The following BTBD9 variants were observed in gnomAD, a reference collection of about 807,000 sequenced individuals.
BTBD9 encodes the protein BTB domain containing 9, also known as BTB/POZ domain-containing protein 9.
A neutral mutation model predicts 64.3 loss-of-function variants in BTBD9; 49 were observed. The observed-to-expected ratio is 0.76, with a 90% CI of 0.61 to 0.97. The LOEUF (loss-of-function observed/expected upper bound fraction) is 0.97, where lower values mean the gene tolerates loss of function less well. Ranked by LOEUF, BTBD9 falls within the 50% of genes least tolerant of loss-of-function variation. The pLI is 0.00. For synonymous variants in BTBD9, 260 were observed against 274.7 expected (o/e 0.95, Z 0.53); for missense variants, 598 against 762.1 (o/e 0.78, Z 2.53).
rs550578436 is a variant in BTBD9, at chr6:38,456,144, C to T, written c.1155-111051G>A. ...CTGGGATTACTGGCATGTGCCACCACGCCCTGCTAATTTTTGTATCTTTAG... is the reference window on the plus strand; with the variant it reads ...CTGGGATTACTGGCATGTGCCACCATGCCCTGCTAATTTTTGTATCTTTAG... On this transcript the variant is annotated intron_variant, in intron 6 of 10. Transcript: ENST00000481247. 2.3e-4 allele frequency among the ~76,000 whole-genome samples: 35 copies of T among 151,952 alleles called. 1 individual carries two copies. Among genetic ancestry groups the T allele is most frequent in the African/African-American group, 1.7e-4 (7 of 41,426 alleles).
At chr6:38,549,516 G>A (rs1171172264) in intron 6 of BTBD9, among the ~76,000 whole-genome samples, 1 of 152,024 alleles carries the variant, frequency 6.6e-6, no homozygotes, top group Non-Finnish European at 1.5e-5. Flanking sequence ...TAAGATTTCA[G>A]TAGGTCCTCA....
intron 6 of BTBD9, chr6:38,403,005 AG>A: frequency 2.8e-6 from 1 of 362,028 alleles, no homozygotes; most frequent in Non-Finnish European, 5.3e-6. Flanking sequence ...CCTGGGACAC[AG>A]AGGCTGCAGT....
At chr6:38,540,075 C>T (rs1774199042) in intron 6 of BTBD9, among the ~76,000 whole-genome samples, 2 of 152,150 alleles carry the variant, frequency 1.3e-5, no homozygotes, top group South Asian at 4.2e-4. Flanking sequence ...ATAAGCACTT[C>T]TATATGTACT....
At chr6:38,577,789 A>G (rs1348799340) in intron 5 of BTBD9, 70 bp from the exon 6 acceptor site, 6 of 1,359,952 alleles carry the variant, frequency 4.4e-6, no homozygotes, top group Non-Finnish European at 6.0e-6. Context: ...GTACTTTAAT[A>G]AAGTGTTAAA....
rs1422898708 is a variant in BTBD9 at position 38,520,576 on chromosome 6, C to G, written c.1154+57024G>C. ...TACTTACTAAGTTTTCTTCAATAAC[C>G]ATATATTACTTGTAGAATAACCAAA... On this transcript the variant is annotated intron_variant, in intron 6 of 10. Transcript: ENST00000481247. Among the ~76,000 whole-genome samples, 6 of 152,166 alleles carry G rather than the reference C, an allele frequency of 3.9e-5. No homozygotes were observed. In the East Asian group the frequency reaches 1.2e-3, roughly 29 times the overall value.
intron 10 of BTBD9, among the ~76,000 whole-genome samples, chr6:38,177,808 AGAT>A (rs1761344435): frequency 1.3e-5 from 2 of 152,246 alleles, no homozygotes; most frequent in Non-Finnish European, 2.9e-5. Flanking sequence ...ATTTGTTTTC[AGAT>A]AATAATGCAA....
chr6:38,187,415 A>G (rs987462163), intron 10 of BTBD9, among the ~76,000 whole-genome samples: 29 of 152,220 alleles, frequency 1.9e-4, no homozygotes, highest in African/African-American at 6.8e-4. Context: ...AGTGGGGACA[A>G]TCAGATGCAT....
intron 6 of BTBD9, among the ~76,000 whole-genome samples, chr6:38,529,693 T>G (rs919953266): frequency 2.6e-5 from 4 of 152,222 alleles, no homozygotes; most frequent in Admixed American, 2.6e-4. Flanking sequence ...TAATAACTTT[T>G]GTAATTTCTT....
intron 6 of BTBD9, among the ~76,000 whole-genome samples, chr6:38,455,100 T>C (rs1465178038): frequency 6.6e-6 from 1 of 152,200 alleles, no homozygotes; most frequent in Non-Finnish European, 1.5e-5. Context: ...AAGAGCACTG[T>C]CCATGATCTT....
intron 6 of BTBD9, among the ~76,000 whole-genome samples, chr6:38,425,992 G>A (rs1562168604): frequency 2.7e-5 from 4 of 150,400 alleles, no homozygotes; most frequent in Admixed American, 2.0e-4. Context: ...AGCTATAAAA[G>A]CAAGCCCAAC....
Position 38,413,155 on chromosome 6 carries a change from G to T in BTBD9, c.1155-68062C>A, listed in dbSNP as rs144199026. On this transcript the variant is annotated intron_variant, in intron 6 of 10. Coordinates refer to ENST00000481247, the MANE Select transcript of BTBD9 (RefSeq NM_001099272.2). Reference sequence around the variant, plus strand: ...TCTTTTTTCTTAACTATGCCCTTAGGGAGGACAATAACATCCCTCTTTTAA... The same window carrying T: ...TCTTTTTTCTTAACTATGCCCTTAGTGAGGACAATAACATCCCTCTTTTAA... Among the ~76,000 whole-genome samples the T allele has an allele frequency of 1.9e-3, 288 of 151,914 alleles. 2 individuals are homozygous for T. Among genetic ancestry groups the T allele is most frequent in the African/African-American group, 6.4e-3 (266 of 41,390 alleles).
At chr6:38,582,126 C>T (rs184918241) in intron 4 of BTBD9, among the ~76,000 whole-genome samples, 211 of 152,136 alleles carry the variant, frequency 1.4e-3, no homozygotes, top group African/African-American at 4.8e-3. Flanking sequence ...CAATATATTG[C>T]AGCTGAAAAA....
chr6:38,403,014 A>G, intron 6 of BTBD9: 1 of 332,280 alleles, frequency 3.0e-6, no homozygotes, highest in East Asian at 8.8e-5. Context: ...CAGAGGCTGC[A>G]GTGAGCTATC....
intron 6 of BTBD9, among the ~76,000 whole-genome samples, chr6:38,570,154 G>A (rs2127464901): frequency 6.6e-6 from 1 of 152,236 alleles, no homozygotes; most frequent in Non-Finnish European, 1.5e-5. Context: ...ATCATTATTA[G>A]TATAATGTGT....
intron 9 of BTBD9, among the ~76,000 whole-genome samples, chr6:38,198,865 G>A (rs1762358520): frequency 6.6e-6 from 1 of 152,196 alleles, no homozygotes; most frequent in Admixed American, 6.5e-5. Flanking sequence ...GAGGAAGAAT[G>A]AGGAGGTATG....
intron 8 of BTBD9, among the ~76,000 whole-genome samples, chr6:38,279,745 C>T (rs1742845058): frequency 6.6e-6 from 1 of 152,088 alleles, no homozygotes; most frequent in Non-Finnish European, 1.5e-5. Context: ...ATAATCACTA[C>T]CGGTGAAGTA....
intron 6 of BTBD9, among the ~76,000 whole-genome samples, chr6:38,409,117 G>A (rs1457015782): frequency 6.6e-6 from 1 of 152,150 alleles, no homozygotes; most frequent in Admixed American, 6.5e-5. Context: ...AGGCATGATG[G>A]CAGGTGCCTG....
intron 6 of BTBD9, among the ~76,000 whole-genome samples, chr6:38,406,868 G>A (rs926473765): frequency 3.3e-5 from 5 of 152,184 alleles, no homozygotes; most frequent in Admixed American, 6.5e-5. Context: ...CTCCTGAGTA[G>A]CTGGGACTAT....
intron 6 of BTBD9, among the ~76,000 whole-genome samples, chr6:38,541,257 A>G (rs1183899638): frequency 2.6e-5 from 4 of 152,228 alleles, no homozygotes; most frequent in African/African-American, 9.6e-5. Flanking sequence ...GACAATAGAC[A>G]ATAAGCTTCA....
Sources: gnomAD v4.1 joint callset for allele counts (sites outside exome capture counted in the v4.1 genomes callset) on GRCh38, gnomAD v4.1.1 for gene constraint, MANE v1.5 for transcripts, NCBI Gene and HGNC (gene_info 2026-07-23, HGNC 2026-07-21) for gene names.